MTF2: variants seen among roughly 807,000 people sequenced by gnomAD.
MTF2 encodes metal response element binding transcription factor 2, also known as metal-response element-binding transcription factor 2.
MTF2 carries 11 observed loss-of-function variants against 79.5 expected under a neutral mutation model. That is an observed-to-expected ratio of 0.14 (90% confidence interval 0.09 to 0.23). The LOEUF (loss-of-function observed/expected upper bound fraction) is 0.23, where lower values mean the gene tolerates loss of function less well. MTF2 is among the 10% of genes least tolerant of loss of function. The probability of loss-of-function intolerance (pLI) is 1.00; values close to 1 mark genes in which losing one functional copy is unlikely to be tolerated. For missense variants in MTF2, 486 were observed against 711.2 expected, an observed-to-expected ratio of 0.68 and a Z score of 3.60; for synonymous variants, 208 against 232.8, an observed-to-expected ratio of 0.89 and a Z score of 0.97.
In MTF2 at chr1:93,129,337, T is replaced by C; in HGVS notation, c.1049T>C (p.Val350Ala). ...KKHLFGLRIR[V>A]PPVPPNVAFK... Reference sequence around the variant, plus strand: ...CATTTGTTTGGGTTGCGAATTCGTGTTCCTCCTGTGCCACCAAATGTGGCT... The same window carrying C: ...CATTTGTTTGGGTTGCGAATTCGTGCTCCTCCTGTGCCACCAAATGTGGCT... Residue 350 changes from valine (V) to alanine (A), a missense_variant, in exon 11 of 15, where the codon GTT becomes GCT. By Grantham distance (64) the Val-to-Ala change is moderately conservative. Around this residue, in one of 4 missense-constraint regions of MTF2, gnomAD observed 177 missense variants for 364.0 expected, o/e 0.49. Transcript: ENST00000370298. The C allele has an allele frequency of 6.3e-7, 1 of 1,592,234 alleles. No homozygotes were observed. Among genetic ancestry groups the C allele is most frequent in the South Asian group, 1.1e-5 (1 of 87,876 alleles).
rs1301691540 is a variant in MTF2, at chr1:93,113,489, A to G, written c.287-1199A>G. Among the ~76,000 whole-genome samples the G allele has an allele frequency of 3.3e-5, 5 of 152,214 alleles. No individual in the cohort carries two copies. The East Asian group carries it at 9.6e-4, about 29-fold the overall frequency. Reference sequence around the variant, plus strand: ...GACAGATTTCTCCCCCTCCAAAAAAAGAAAAACAGTTGGTAACCTGTATGT... The same window carrying G: ...GACAGATTTCTCCCCCTCCAAAAAAGGAAAAACAGTTGGTAACCTGTATGT... On this transcript the variant is annotated intron_variant, in intron 3 of 14. Transcript: ENST00000370298.
At chr1:93,123,771 C>G (rs924508992) in intron 9 of MTF2, among the ~76,000 whole-genome samples, 2 of 140,668 alleles carry the variant, frequency 1.4e-5, no homozygotes, top group Non-Finnish European at 3.0e-5. Flanking sequence ...TCCCCCCCCC[C>G]TTTTTTTAAT....
chr1:93,111,004 T>C (rs760284586), intron 3 of MTF2, among the ~76,000 whole-genome samples: 3 of 152,196 alleles, frequency 2.0e-5, no homozygotes, highest in Non-Finnish European at 4.4e-5. Context: ...TTAGGACATA[T>C]AAAACTGATT....
chr1:93,136,398 G>T (rs17131703), intron 14 of MTF2, among the ~76,000 whole-genome samples: 3 of 152,150 alleles, frequency 2.0e-5, no homozygotes, highest in African/African-American at 7.2e-5. Context: ...AATTTTCCTT[G>T]TTGGCCTCCT....
chr1:93,096,641 C>G (rs944078653), intron 1 of MTF2, among the ~76,000 whole-genome samples: 1 of 146,918 alleles, frequency 6.8e-6, no homozygotes, highest in African/African-American at 2.5e-5. Flanking sequence ...TTTTTCTTTT[C>G]TATTATATGT....
At chr1:93,079,606 A>T in intron 1 of MTF2, 75 bp downstream of exon 1, 1 of 1,563,170 alleles carries the variant, frequency 6.4e-7, no homozygotes, top group Non-Finnish European at 8.8e-7. Context: ...AAAGGAAGCA[A>T]GTATAAAAGG....
At chr1:93,127,363 C>G (rs544037865) in intron 10 of MTF2, 64 bp downstream of exon 10, 1 of 1,066,434 alleles carries the variant, frequency 9.4e-7, no homozygotes, top group Non-Finnish European at 1.4e-6. Context: ...GGAATAATGG[C>G]ATTGTTTAAG....
chr1:93,082,995 A>G (rs1020722104), intron 1 of MTF2, among the ~76,000 whole-genome samples: 2 of 152,180 alleles, frequency 1.3e-5, no homozygotes, highest in Non-Finnish European at 2.9e-5. Flanking sequence ...TTCACTTAGC[A>G]TGACTATATT....
At chr1:93,130,394 A>G (rs1656869324) in intron 11 of MTF2, among the ~76,000 whole-genome samples, 2 of 152,134 alleles carry the variant, frequency 1.3e-5, no homozygotes, top group South Asian at 2.1e-4. Context: ...CCTTACCAAT[A>G]TGGTGAAGCC....
At chr1:93,122,534 GA>G (rs1656523832) in intron 9 of MTF2, among the ~76,000 whole-genome samples, 1 of 152,054 alleles carries the variant, frequency 6.6e-6, no homozygotes, top group South Asian at 2.1e-4. Context: ...CTGAACTTCT[GA>G]AACATACTAG....
chr1:93,123,771 C>CT (rs1553154630), intron 9 of MTF2, among the ~76,000 whole-genome samples: 12 of 140,668 alleles, frequency 8.5e-5, no homozygotes, highest in Admixed American at 6.2e-4. Flanking sequence ...TCCCCCCCCC[C>CT]TTTTTTTAAT....
rs1655972708 is a variant in MTF2 at position 93,110,237 on chromosome 1, A to G, written c.13A>G (p.Thr5Ala). 4 of 1,614,082 alleles carry G rather than the reference A, an allele frequency of 2.5e-6. No homozygotes were observed. Among genetic ancestry groups the G allele is most frequent in the Non-Finnish European group, 3.4e-6 (4 of 1,179,932 alleles). The change falls in exon 2 of 15, where the codon ACA (threonine) becomes GCA (alanine). Residue 5 changes from threonine (T) to alanine (A), a missense_variant. Thr to Ala is a moderately conservative substitution (Grantham distance 58, BLOSUM62 0). Transcript: ENST00000370298. ...CTTTTATTCTCTAAACAGAGACTCT[A>G]CAGGGGCAGGTAATTCACTGGTCCA... Reference protein sequence around the residue: MRDSTGAGNSLVHKR... With the variant: MRDSAGAGNSLVHKR...
intron 11 of MTF2, among the ~76,000 whole-genome samples, chr1:93,132,548 T>C (rs1656961577): frequency 6.6e-6 from 1 of 152,192 alleles, no homozygotes; most frequent in Non-Finnish European, 1.5e-5. Flanking sequence ...CAGGAGTCCT[T>C]TATAAATATT....
At chr1:93,100,875 G>A (rs1655501998) in intron 1 of MTF2, among the ~76,000 whole-genome samples, 1 of 152,192 alleles carries the variant, frequency 6.6e-6, no homozygotes, top group Non-Finnish European at 1.5e-5. Flanking sequence ...CTTTGGCCCT[G>A]TTTGGCCTCA....
chr1:93,105,013 G>A (rs1365414635), intron 1 of MTF2, among the ~76,000 whole-genome samples: 6 of 151,684 alleles, frequency 4.0e-5, no homozygotes, highest in Non-Finnish European at 7.4e-5. Context: ...GTGTAGTGGC[G>A]GGCGCCTGTA....
At chr1:93,117,423 G>A (rs530617446) in intron 6 of MTF2, among the ~76,000 whole-genome samples, 2 of 152,286 alleles carry the variant, frequency 1.3e-5, no homozygotes, top group African/African-American at 4.8e-5. Flanking sequence ...ATATTTCTTA[G>A]ATGAAGATTC....
At chr1:93,130,465 T>C (rs1204021553) in intron 11 of MTF2, among the ~76,000 whole-genome samples, 1 of 151,998 alleles carries the variant, frequency 6.6e-6, no homozygotes, top group Non-Finnish European at 1.5e-5. Flanking sequence ...TAGTCCCAGC[T>C]ACTTGGGAGG....
At chr1:93,083,060 A>G (rs1379696730) in intron 1 of MTF2, among the ~76,000 whole-genome samples, 1 of 152,226 alleles carries the variant, frequency 6.6e-6, no homozygotes, top group African/African-American at 2.4e-5. Context: ...ATTTATAAAG[A>G]AAATAATTTT....
intron 1 of MTF2, among the ~76,000 whole-genome samples, chr1:93,087,465 A>C (rs947144554): frequency 2.0e-5 from 3 of 151,798 alleles, no homozygotes; most frequent in Non-Finnish European, 2.9e-5. Flanking sequence ...CCAGCTACTC[A>C]GGAGGCTGAG....
Sources: gnomAD v4.1 joint callset for allele counts (sites outside exome capture counted in the v4.1 genomes callset) on GRCh38, gnomAD v4.1.1 for gene constraint, gnomAD v4.1.1 regional missense constraint, MANE v1.5 for transcripts, NCBI Gene and HGNC (gene_info 2026-07-23, HGNC 2026-07-21) for gene names.